Variants in MORC1 observed in about 807,000 individuals in gnomAD.
MORC1 encodes the protein MORC family CW-type zinc finger protein 1.
A neutral mutation model predicts 134.9 loss-of-function variants in MORC1; 59 were observed. The observed-to-expected ratio is 0.44, with a 90% CI of 0.35 to 0.54. MORC1 has a LOEUF of 0.54. MORC1 is among the 20% of genes least tolerant of loss of function. MORC1 has a pLI of 0.00. For synonymous variants in MORC1, 395 were observed against 391.7 expected, an observed-to-expected ratio of 1.01 and a Z score of -0.10; for missense variants, 947 against 1,134.5, an observed-to-expected ratio of 0.83 and a Z score of 2.37.
chr3:109,088,739 C>G (rs1950661466), intron 8 of MORC1, among the ~76,000 whole-genome samples: 1 of 152,118 alleles, frequency 6.6e-6, no homozygotes, highest in African/African-American at 2.4e-5. Context: ...ATAAAGCATT[C>G]TGTCATGAAG....
intron 21 of MORC1, among the ~76,000 whole-genome samples, chr3:108,987,175 T>C (rs1947917196): frequency 6.6e-6 from 1 of 152,208 alleles, no homozygotes; most frequent in Non-Finnish European, 1.5e-5. Flanking sequence ...ACTCATTTGA[T>C]TTCTTTAAAG....
intron 14 of MORC1, among the ~76,000 whole-genome samples, chr3:109,050,698 C>A (rs529594563): frequency 2.2e-4 from 33 of 152,158 alleles, no homozygotes; most frequent in Middle Eastern, 3.4e-3. Flanking sequence ...ATGAAAGAAC[C>A]CATGAGATAT....
intron 4 of MORC1, among the ~76,000 whole-genome samples, chr3:109,100,765 A>C (rs1950910513): frequency 6.6e-6 from 1 of 152,234 alleles, no homozygotes; most frequent in African/African-American, 2.4e-5. Context: ...GAAAAAAATA[A>C]ATTGCGTCTG....
intron 6 of MORC1, among the ~76,000 whole-genome samples, chr3:109,097,157 A>C (rs187972795): frequency 3.3e-5 from 5 of 152,326 alleles, no homozygotes; most frequent in African/African-American, 1.2e-4. Flanking sequence ...AAAGAAGATT[A>C]TTTTGACCTT....
chr3:109,091,279 C>T (rs867830708), intron 8 of MORC1, among the ~76,000 whole-genome samples: 4 of 151,296 alleles, frequency 2.6e-5, no homozygotes, highest in African/African-American at 7.3e-5. Context: ...CCCGTCTCTA[C>T]TAAAAATACA....
At chr3:109,099,520 G>A in intron 5 of MORC1, 54 bp from the exon 6 acceptor site, 1 of 1,311,400 alleles carries the variant, frequency 7.6e-7, no homozygotes, top group Non-Finnish European at 1.1e-6. Flanking sequence ...TAAAAAGGAA[G>A]AAACAGGCAG....
intron 9 of MORC1, among the ~76,000 whole-genome samples, chr3:109,065,332 C>G (rs1158082518): frequency 6.6e-6 from 1 of 152,120 alleles, no homozygotes; most frequent in African/African-American, 2.4e-5. Context: ...TTTCTGTGTT[C>G]TAGCTAGACT....
At chr3:109,094,337 G>A (rs1950788090) in intron 7 of MORC1, among the ~76,000 whole-genome samples, 1 of 152,174 alleles carries the variant, frequency 6.6e-6, no homozygotes, top group African/African-American at 2.4e-5. Context: ...ACACAAGGGA[G>A]AATAGCATAG....
chr3:109,051,634 T>A (rs1949833392), intron 14 of MORC1, among the ~76,000 whole-genome samples: 1 of 152,126 alleles, frequency 6.6e-6, no homozygotes, highest in South Asian at 2.1e-4. Flanking sequence ...TAGCCCTCTA[T>A]CAATTCATAG....
chr3:108,981,069 G>A (rs190144053), intron 23 of MORC1, among the ~76,000 whole-genome samples: 51 of 152,262 alleles, frequency 3.3e-4, no homozygotes, highest in Non-Finnish European at 7.4e-5. Context: ...ATAGTTTGTT[G>A]ATGAGACTAA....
rs968132046 is a variant in MORC1 at position 108,958,585 on chromosome 3, G to A, written c.*380C>T. 2.6e-5 allele frequency: 4 copies of A among 152,516 alleles called. No homozygotes were observed. The highest frequency in any genetic ancestry group is 9.7e-5 in the African/African-American group (4 of 41,376). The allele number at this position is 152,516 out of a possible 1,614,324, so 9.4% of individuals were successfully genotyped here. The stretch of plus-strand genomic sequence containing the variant: ...GTGATTCTGTAGTCCTTCACATATC[G>A]ATTTTGAAAAAATCTGCTTTTAAAT... On this transcript the variant is annotated 3_prime_UTR_variant, in exon 28 of 28. Transcript: ENST00000232603.
chr3:109,110,857 A>G, intron 2 of MORC1, 74 bp from the exon 3 acceptor site: 1 of 1,093,852 alleles, frequency 9.1e-7, no homozygotes, highest in Non-Finnish European at 1.3e-6. Context: ...CTATTGTCAG[A>G]TATCAAACAA....
chr3:109,041,615 A>C (rs1949553514), intron 14 of MORC1, among the ~76,000 whole-genome samples: 1 of 152,090 alleles, frequency 6.6e-6, no homozygotes, highest in Non-Finnish European at 1.5e-5. Context: ...TTCAGAGGCC[A>C]AGGCGGGCAG....
At chr3:109,042,310 G>A (rs1949572154) in intron 14 of MORC1, among the ~76,000 whole-genome samples, 1 of 152,146 alleles carries the variant, frequency 6.6e-6, no homozygotes, top group South Asian at 2.1e-4. Context: ...CATATAAGTG[G>A]CCAACACGTA....
intron 27 of MORC1, among the ~76,000 whole-genome samples, chr3:108,960,039 G>T (rs991469348): frequency 1.1e-4 from 16 of 152,146 alleles, no homozygotes; most frequent in African/African-American, 3.6e-4. Context: ...ACTATGGCAA[G>T]TAATTTTTTA....
chr3:109,068,550 C>A (rs536526399), intron 9 of MORC1, among the ~76,000 whole-genome samples: 1 of 152,194 alleles, frequency 6.6e-6, no homozygotes, highest in Non-Finnish European at 1.5e-5. Flanking sequence ...TTCCTTTTTA[C>A]TGCTGAGTAG....
rs1029390531 is a variant in MORC1 at position 109,017,368 on chromosome 3, C to G, written c.1705-10277G>C. The stretch of plus-strand genomic sequence containing the variant: ...AAAAAGTAGGATACTTTTGGTTTAT[C>G]TTTTGAAGCATCTTCTGTGGAAAGA... On this transcript the variant is annotated intron_variant, in intron 17 of 27. Coordinates refer to ENST00000232603, the MANE Select transcript of MORC1 (RefSeq NM_014429.4). Among the ~76,000 whole-genome samples, 3 of 152,158 alleles carry G rather than the reference C, an allele frequency of 2.0e-5. No homozygotes were observed. In the East Asian group the frequency reaches 5.8e-4, roughly 29 times the overall value.
At chr3:109,068,251 T>C (rs1017332314) in intron 9 of MORC1, among the ~76,000 whole-genome samples, 2 of 152,204 alleles carry the variant, frequency 1.3e-5, no homozygotes, top group Non-Finnish European at 2.9e-5. Context: ...CAGGTGGTGT[T>C]TGGTTACATG....
intron 9 of MORC1, among the ~76,000 whole-genome samples, chr3:109,065,910 A>G (rs1405319124): frequency 6.6e-6 from 1 of 152,256 alleles, no homozygotes; most frequent in Non-Finnish European, 1.5e-5. Flanking sequence ...AAATTAACAC[A>G]GAAACAGAAA....
Sources: allele counts gnomAD v4.1 joint callset (sites outside exome capture counted in the v4.1 genomes callset), GRCh38; gene constraint gnomAD v4.1.1; transcripts MANE v1.5; gene names NCBI Gene and HGNC (gene_info 2026-07-23, HGNC 2026-07-21).